The following FHIP2A variants were observed in gnomAD, a reference collection of about 807,000 sequenced individuals.
FHIP2A encodes the protein FHF complex subunit HOOK interacting protein 2A.
In FHIP2A, 46 loss-of-function variants were observed where a neutral mutation model predicts 93.5. That is an observed-to-expected ratio of 0.49 (90% confidence interval 0.39 to 0.63). The LOEUF (loss-of-function observed/expected upper bound fraction) is 0.63, where lower values mean the gene tolerates loss of function less well. Ranked by LOEUF, FHIP2A falls within the 20% of genes least tolerant of loss-of-function variation. The pLI is 0.00. For missense variants in FHIP2A, 769 were observed against 909.7 expected (o/e 0.85, Z 1.99); for synonymous variants, 332 against 326.5 (o/e 1.02, Z -0.18).
intron 5 of FHIP2A, among the ~76,000 whole-genome samples, chr10:114,839,150 G>A (rs1414145410): frequency 6.6e-6 from 1 of 151,698 alleles, no homozygotes; most frequent in African/African-American, 2.4e-5. Flanking sequence ...TTTTTTTTGA[G>A]ATAGTCTGAC....
intron 16 of FHIP2A, among the ~76,000 whole-genome samples, chr10:114,892,121 AG>A (rs2083977448): frequency 6.6e-6 from 1 of 152,162 alleles, no homozygotes; most frequent in Admixed American, 6.6e-5. Flanking sequence ...TCTATAAAAT[AG>A]GCAAAGAACA....
rs1313021153 is a variant in FHIP2A at position 114,863,689 on chromosome 10, A to G, written c.*2149A>G. Reference sequence around the variant, plus strand: ...AGTAGAAGCTCTCACAGTGAGTTCAATTTGTTAGTGAAACATTGTACTGCA... The same window carrying G: ...AGTAGAAGCTCTCACAGTGAGTTCAGTTTGTTAGTGAAACATTGTACTGCA... On this transcript the variant is annotated 3_prime_UTR_variant, in exon 17 of 17. Transcript: ENST00000369248. 6.9e-6 allele frequency: 9 copies of G among 1,302,532 alleles called. No individual in the cohort carries two copies. Among genetic ancestry groups the G allele is most frequent in the Admixed American group, 2.3e-5 (1 of 43,178 alleles). 80.7% of individuals were successfully genotyped at this position (1,302,532 alleles called of 1,614,324 possible). A position where few individuals can be genotyped will look rare whatever the true frequency, so the allele number is the denominator to read the frequency against.
At chr10:114,858,371 AT>A (rs2143012925) in intron 14 of FHIP2A, among the ~76,000 whole-genome samples, 1 of 152,336 alleles carries the variant, frequency 6.6e-6, no homozygotes, top group South Asian at 2.1e-4. Flanking sequence ...TATGACCTAC[AT>A]TTATGTTAAA....
chr10:114,822,818 C>T (rs775453048), intron 1 of FHIP2A, among the ~76,000 whole-genome samples: 12 of 152,204 alleles, frequency 7.9e-5, no homozygotes, highest in Non-Finnish European at 1.8e-4. Flanking sequence ...CCATCTGTTT[C>T]CTTTCTTGTC....
chr10:114,845,991 T>C (rs761192686), intron 8 of FHIP2A, 22 bp from the exon 9 acceptor site: 16 of 1,537,764 alleles, frequency 1.0e-5, no homozygotes, highest in Non-Finnish European at 1.3e-5. Context: ...AAAAAAAAAA[T>C]GATGTTCCTA....
chr10:114,878,577 A>C (rs1333488962), intron 16 of FHIP2A, among the ~76,000 whole-genome samples: 1 of 152,092 alleles, frequency 6.6e-6, no homozygotes, highest in African/African-American at 2.4e-5. Context: ...TCAGGAGTTC[A>C]AGACCAGCCT....
rs529414598 is a variant in FHIP2A, at chr10:114,850,604, G to A, written c.1803+1867G>A. Among the ~76,000 whole-genome samples the A allele has an allele frequency of 5.3e-5, 8 of 152,278 alleles. No homozygotes were observed. In the South Asian group the frequency reaches 1.5e-3, roughly 28 times the overall value. ...AGTTCCAGCTATTGGGGAAGCTGAGGCAGGAGGACTGCTTGAGCTCAGAAG... is the reference window on the plus strand; with the variant it reads ...AGTTCCAGCTATTGGGGAAGCTGAGACAGGAGGACTGCTTGAGCTCAGAAG... On this transcript the variant is annotated intron_variant, in intron 13 of 16. Coordinates refer to ENST00000369248, the MANE Select transcript of FHIP2A (RefSeq NM_020940.4).
chr10:114,875,651 C>T (rs902011476), intron 16 of FHIP2A, among the ~76,000 whole-genome samples: 1 of 150,464 alleles, frequency 6.6e-6, no homozygotes, highest in Non-Finnish European at 1.5e-5. Context: ...GCCAAGATTG[C>T]GCCATTGCAC....
intron 5 of FHIP2A, among the ~76,000 whole-genome samples, chr10:114,839,282 A>G (rs1444765058): frequency 1.3e-5 from 2 of 151,908 alleles, no homozygotes; most frequent in African/African-American, 4.8e-5. Flanking sequence ...GCGCACCACC[A>G]CGCCCGGCTA....
At chr10:114,842,541 C>A (rs1208118675) in intron 5 of FHIP2A, among the ~76,000 whole-genome samples, 1 of 152,104 alleles carries the variant, frequency 6.6e-6, no homozygotes, top group Non-Finnish European at 1.5e-5. Context: ...CCCCCCCACC[C>A]TATGATCTTA....
intron 16 of FHIP2A, among the ~76,000 whole-genome samples, chr10:114,887,814 A>C (rs1262827535): frequency 1.3e-5 from 2 of 152,240 alleles, no homozygotes; most frequent in Non-Finnish European, 2.9e-5. Flanking sequence ...TGAAATCAGC[A>C]AACCAGCAAA....
At position 114,861,686 on chromosome 10, in the gene FHIP2A, G is replaced by C; in HGVS notation, c.*146G>C. On this transcript the variant is annotated 3_prime_UTR_variant, in exon 17 of 17. Transcript: ENST00000369248. ...TGGACAGAACCATTAAGAACCTATT[G>C]AGTGGACATTCTTGGTGAAATGTTG... is the stretch of plus-strand genomic sequence containing the variant. 4 of 1,422,344 alleles carry C rather than the reference G, an allele frequency of 2.8e-6. No individual in the cohort carries two copies. Among genetic ancestry groups the C allele is most frequent in the Non-Finnish European group, 3.7e-6 (4 of 1,093,226 alleles). 88.1% of individuals were successfully genotyped at this position (1,422,344 alleles called of 1,614,324 possible). A position where few individuals can be genotyped will look rare whatever the true frequency, so the allele number is the denominator to read the frequency against.
At position 114,861,963 on chromosome 10, in the gene FHIP2A, A is replaced by G. The variant is rs2083802639; in HGVS notation, c.*423A>G. 1.0e-6 allele frequency: 1 copy of G among 985,158 alleles called. No individual in the cohort carries two copies. Among genetic ancestry groups the G allele is most frequent in the Admixed American group, 6.1e-5 (1 of 16,316 alleles). 61.0% of individuals were successfully genotyped at this position (985,158 alleles called of 1,614,324 possible). On this transcript the variant is annotated 3_prime_UTR_variant, in exon 17 of 17. Transcript: ENST00000369248. ...TTTTGGATTAATAAGTAGCAAAAAA[A>G]AATCACTAATTTTATAACTTTTTAA...
chr10:114,864,260 A>G lies in FHIP2A; in HGVS notation c.*2720A>G, dbSNP rs749919263. On this transcript the variant is annotated 3_prime_UTR_variant, in exon 17 of 17. Transcript: ENST00000369248. Reference sequence around the variant, plus strand: ...AATGTTTTCATAAATTATTGCATTAACATACAATTGCCATTTAATTATGAA... The same window carrying G: ...AATGTTTTCATAAATTATTGCATTAGCATACAATTGCCATTTAATTATGAA... 4 of 982,408 alleles carry G rather than the reference A, an allele frequency of 4.1e-6. No individual in the cohort carries two copies. The highest frequency in any genetic ancestry group is 4.8e-6 in the Non-Finnish European group (4 of 826,764). 60.9% of individuals were successfully genotyped at this position (982,408 alleles called of 1,614,324 possible). A position where few individuals can be genotyped will look rare whatever the true frequency, so the allele number is the denominator to read the frequency against.
chr10:114,836,373 A>G, intron 5 of FHIP2A, 127 bp downstream of exon 5: 1 of 751,024 alleles, frequency 1.3e-6, no homozygotes, highest in African/African-American at 1.7e-5. Flanking sequence ...ACTTCCCAGA[A>G]TTATTTTTCC....
intron 1 of FHIP2A, among the ~76,000 whole-genome samples, chr10:114,824,992 G>A (rs1416097547): frequency 6.6e-6 from 1 of 152,050 alleles, no homozygotes; most frequent in African/African-American, 2.4e-5. Flanking sequence ...TAATTGATAA[G>A]CCTTCAAATG....
chr10:114,878,011 T>C (rs1043780488), intron 16 of FHIP2A, among the ~76,000 whole-genome samples: 3 of 152,054 alleles, frequency 2.0e-5, no homozygotes, highest in African/African-American at 4.8e-5. Flanking sequence ...CCCCAATATA[T>C]AGACTTCTCT....
chr10:114,864,780 T>G, downstream of FHIP2A: 2 of 880,908 alleles, frequency 2.3e-6, no homozygotes, highest in Non-Finnish European at 1.4e-6. Context: ...TCTCAAACAA[T>G]TTTTAACTTT....
At chr10:114,833,177 G>A (rs538072587) in intron 2 of FHIP2A, 56 bp from the exon 3 acceptor site, 65 of 1,364,912 alleles carry the variant, frequency 4.8e-5, no homozygotes, top group Non-Finnish European at 6.2e-5. Context: ...TATTTTAGGT[G>A]CAAATATGCA....
Sources: allele counts gnomAD v4.1 joint callset (sites outside exome capture counted in the v4.1 genomes callset), GRCh38; gene constraint gnomAD v4.1.1; transcripts MANE v1.5; gene names NCBI Gene and HGNC (gene_info 2026-07-23, HGNC 2026-07-21).